PBRM1: variants seen among roughly 807,000 people sequenced by gnomAD.
PBRM1 encodes protein polybromo-1.
A neutral mutation model predicts 194.5 loss-of-function variants in PBRM1; 27 were observed. The observed-to-expected ratio is 0.14, with a 90% CI of 0.10 to 0.19. The LOEUF (loss-of-function observed/expected upper bound fraction) is 0.19. PBRM1 is among the 10% of genes least tolerant of loss of function. The pLI is 1.00. For missense variants in PBRM1, 1,466 were observed against 2,077.2 expected (o/e 0.71, Z 5.72); for synonymous variants, 655 against 693.2 (o/e 0.94, Z 0.87).
At chr3:52,622,418 G>A (rs2095313001) in intron 13 of PBRM1, among the ~76,000 whole-genome samples, 1 of 152,128 alleles carries the variant, frequency 6.6e-6, no homozygotes, top group Non-Finnish European at 1.5e-5. Flanking sequence ...TAGTAAGTAC[G>A]CTACAATTTT....
intron 22 of PBRM1, among the ~76,000 whole-genome samples, chr3:52,567,811 T>G (rs937693102): frequency 3.4e-5 from 5 of 147,520 alleles, no homozygotes; most frequent in South Asian, 2.1e-4. Flanking sequence ...TTTGTGTTTT[T>G]TTTTTTTTTT....
At chr3:52,554,920 T>A in intron 26 of PBRM1, 41 bp from the exon 29 acceptor site, 3 of 1,582,480 alleles carry the variant, frequency 1.9e-6, no homozygotes, top group Non-Finnish European at 2.6e-6. Context: ...ATCATTAACA[T>A]GCAACATGAG....
At chr3:52,560,937 G>A (rs574816371) in intron 25 of PBRM1, among the ~76,000 whole-genome samples, 1 of 152,104 alleles carries the variant, frequency 6.6e-6, no homozygotes, top group African/African-American at 2.4e-5. Context: ...AAGAAGAGTA[G>A]TGGTTGACCA....
At chr3:52,634,317 G>A (rs1157204207) in intron 11 of PBRM1, among the ~76,000 whole-genome samples, 1 of 151,386 alleles carries the variant, frequency 6.6e-6, no homozygotes, top group East Asian at 1.9e-4. Context: ...CGCACCTGTA[G>A]TCCCAGCTAC....
chr3:52,634,823 GAC>G lies in PBRM1; in HGVS notation c.1088-10_1088-9del, dbSNP rs763346194. On this transcript the variant is annotated splice_polypyrimidine_tract_variant and intron_variant, in intron 10 of 29. Coordinates refer to ENST00000296302, the Ensembl canonical transcript of PBRM1. ...CCTCTTCATAGCGTGCAGCTGGAAA[GAC>G]AAAAAAAGTATTTATAAAGGGACGA... The G allele has an allele frequency of 1.3e-6, 2 of 1,591,904 alleles. No homozygotes were observed. The highest frequency in any genetic ancestry group is 2.3e-5 in the South Asian group (2 of 88,520).
intron 15 of PBRM1, among the ~76,000 whole-genome samples, chr3:52,611,648 C>CA (rs1372731911): frequency 6.6e-6 from 1 of 151,624 alleles, no homozygotes; most frequent in Non-Finnish European, 1.5e-5. Context: ...ACTAAAAATA[C>CA]AAAAAAATGA....
intron 13 of PBRM1, 49 bp from the exon 16 acceptor site, chr3:52,617,587 T>G (rs769244585): frequency 7.2e-7 from 1 of 1,390,852 alleles, no homozygotes; most frequent in Non-Finnish European, 9.8e-7. Flanking sequence ...AGGTTCAGTT[T>G]TCTTAATATA....
chr3:52,669,360 A>T (rs1282723564), intron 2 of PBRM1, among the ~76,000 whole-genome samples: 2 of 152,228 alleles, frequency 1.3e-5, no homozygotes, highest in Non-Finnish European at 2.9e-5. Flanking sequence ...AAATTTCTTA[A>T]AATAATTAAG....
chr3:52,681,035 C>G (rs2097195890), upstream of PBRM1: 1 of 151,764 alleles, frequency 6.6e-6, no homozygotes, highest in Non-Finnish European at 1.5e-5. Context: ...CCAAGGTATT[C>G]ACTTCTTGAG....
chr3:52,563,418 G>A (rs148182673), exon 24 of PBRM1: 128 of 1,613,686 alleles, frequency 7.9e-5, no homozygotes, highest in Admixed American at 1.3e-4. Context: ...CTTCTAACTC[G>A]GCAAATTTAG....
At position 52,631,051 on chromosome 3, in the gene PBRM1, C is replaced by G. The variant is rs187788309; in HGVS notation, c.1302-2016G>C. Among the ~76,000 whole-genome samples the G allele has an allele frequency of 3.9e-5, 6 of 152,258 alleles. No homozygotes were observed. In the East Asian group the frequency reaches 1.2e-3, roughly 29 times the overall value. On this transcript the variant is annotated intron_variant, in intron 11 of 29. Transcript: ENST00000296302. ...AGAATATAAAAGACATATTTCTAGGCTATTTCTGTAATGAATCTCAGCCTT... is the reference window on the plus strand; with the variant it reads ...AGAATATAAAAGACATATTTCTAGGGTATTTCTGTAATGAATCTCAGCCTT...
chr3:52,576,992 C>T (rs1437929478), intron 21 of PBRM1, among the ~76,000 whole-genome samples: 9 of 152,184 alleles, frequency 5.9e-5, no homozygotes, highest in South Asian at 2.1e-4. Context: ...CTTCCTGAGA[C>T]GTTCATGATG....
intron 10 of PBRM1, among the ~76,000 whole-genome samples, chr3:52,635,390 AC>A (rs2095770427): frequency 1.3e-5 from 2 of 151,338 alleles, no homozygotes; most frequent in South Asian, 2.1e-4. Flanking sequence ...ACATGGTGAA[AC>A]CCCGTCTCTA....
At chr3:52,550,523 G>C (rs2153373919) in exon 29 of PBRM1, 1 of 1,579,640 alleles carries the variant, frequency 6.3e-7, no homozygotes, top group East Asian at 2.2e-5. Flanking sequence ...TGGGTCTTTG[G>C]TGGGGGAGCT....
At chr3:52,553,881 C>T (rs1175753431) in intron 27 of PBRM1, among the ~76,000 whole-genome samples, 2 of 152,054 alleles carry the variant, frequency 1.3e-5, no homozygotes, top group African/African-American at 4.8e-5. Flanking sequence ...AGGCTGGTCT[C>T]GAACTCCTGA....
intron 13 of PBRM1, among the ~76,000 whole-genome samples, chr3:52,620,816 T>C (rs954518333): frequency 2.6e-5 from 4 of 152,228 alleles, no homozygotes; most frequent in African/African-American, 9.6e-5. Context: ...GTAAAGGATG[T>C]GTAATTGATT....
intron 29 of PBRM1, 72 bp downstream of exon 31, chr3:52,550,349 C>T: frequency 1.5e-6 from 1 of 650,452 alleles, no homozygotes; most frequent in South Asian, 4.6e-5. Context: ...GTATGATATA[C>T]TATGCTAACA....
intron 13 of PBRM1, among the ~76,000 whole-genome samples, chr3:52,623,587 A>G (rs543698862): frequency 5.9e-5 from 9 of 152,360 alleles, no homozygotes; most frequent in African/African-American, 1.9e-4. Context: ...ATAGGTCAAT[A>G]GGTCAATAAG....
chr3:52,623,707 T>C lies in PBRM1; in HGVS notation c.1541+3566A>G, dbSNP rs533127064. On this transcript the variant is annotated intron_variant, in intron 13 of 29. Coordinates refer to ENST00000296302, the Ensembl canonical transcript of PBRM1. Reference sequence around the variant, plus strand: ...TAACTGGATCCTCACACCAATCCTATGAAGGTACTGTCATTAACTTGTTTT... The same window carrying C: ...TAACTGGATCCTCACACCAATCCTACGAAGGTACTGTCATTAACTTGTTTT... 2.6e-5 allele frequency among the ~76,000 whole-genome samples: 4 copies of C among 152,332 alleles called. No homozygotes were observed. In the East Asian group the frequency reaches 7.7e-4, roughly 29 times the overall value.
Sources: gnomAD v4.1 joint callset for allele counts (sites outside exome capture counted in the v4.1 genomes callset) on GRCh38, gnomAD v4.1.1 for gene constraint, MANE v1.5 for transcripts, NCBI Gene and HGNC (gene_info 2026-07-23, HGNC 2026-07-21) for gene names.